The following ZZZ3 variants were observed in gnomAD, a reference collection of about 807,000 sequenced individuals.
The protein encoded by ZZZ3 is ZZ-type zinc finger-containing protein 3.
ZZZ3 carries 22 observed loss-of-function variants against 95.2 expected under a neutral mutation model. The observed-to-expected ratio is 0.23, with a 90% CI of 0.17 to 0.33. The LOEUF (loss-of-function observed/expected upper bound fraction) is 0.33. Ranked by LOEUF, ZZZ3 falls within the 10% of genes least tolerant of loss-of-function variation. The pLI is 1.00. For synonymous variants in ZZZ3, 335 were observed against 358.9 expected (o/e 0.93, Z 0.75); for missense variants, 885 against 1,066.5 (o/e 0.83, Z 2.37).
Position 77,568,471 on chromosome 1 carries a change from CAAAAAAAAAAAAA to C in ZZZ3, c.2332-18_2332-6del. ...GATAGGAATACTTTCGTCATCCTAT[CAAAAAAAAAAAAA>C]AAAAAAAATGTTGGTTTGGTAATTA... On this transcript the variant is annotated splice_region_variant and splice_polypyrimidine_tract_variant and intron_variant, in intron 12 of 14. Transcript: ENST00000370801. 8.5e-6 allele frequency: 5 copies of C among 591,414 alleles called. No homozygotes were observed. The South Asian group carries it at 2.3e-4, about 27-fold the overall frequency. 36.6% of individuals were successfully genotyped at this position (591,414 alleles called of 1,614,324 possible).
chr1:77,571,311 T>G (rs953413342), intron 12 of ZZZ3, among the ~76,000 whole-genome samples: 1 of 152,178 alleles, frequency 6.6e-6, no homozygotes, highest in African/African-American at 2.4e-5. Context: ...TAACCAGTGT[T>G]GGTAAGGATG....
intron 1 of ZZZ3, among the ~76,000 whole-genome samples, chr1:77,650,606 A>G (rs1444020764): frequency 6.6e-6 from 1 of 152,088 alleles, no homozygotes; most frequent in Non-Finnish European, 1.5e-5. Flanking sequence ...CCAAAGCAGT[A>G]AACATGTGTT....
chr1:77,669,461 T>G (rs898251610), intron 1 of ZZZ3, among the ~76,000 whole-genome samples: 11 of 143,104 alleles, frequency 7.7e-5, no homozygotes, highest in East Asian at 5.8e-4. Flanking sequence ...TCAGTTTTTT[T>G]TTTTTTTTTT....
chr1:77,588,089 G>A (rs1663287356), intron 5 of ZZZ3, among the ~76,000 whole-genome samples: 1 of 152,158 alleles, frequency 6.6e-6, no homozygotes, highest in Admixed American at 6.5e-5. Flanking sequence ...TCAAGTTTTA[G>A]GGGAGTCAAA....
intron 5 of ZZZ3, among the ~76,000 whole-genome samples, chr1:77,589,821 G>C (rs1472123474): frequency 6.6e-6 from 1 of 152,096 alleles, no homozygotes; most frequent in Non-Finnish European, 1.5e-5. Context: ...TAATCAGGGA[G>C]GGATGGAAGG....
At chr1:77,566,718 T>A (rs1376846929) in intron 13 of ZZZ3, among the ~76,000 whole-genome samples, 1 of 152,198 alleles carries the variant, frequency 6.6e-6, no homozygotes, top group Non-Finnish European at 1.5e-5. Flanking sequence ...CTTTTATCTC[T>A]TATTGAATCG....
intron 5 of ZZZ3, among the ~76,000 whole-genome samples, chr1:77,608,722 T>C (rs542191673): frequency 6.6e-6 from 1 of 151,968 alleles, no homozygotes; most frequent in Non-Finnish European, 1.5e-5. Flanking sequence ...TATGAAACAA[T>C]AAAAAGTTAA....
intron 1 of ZZZ3, among the ~76,000 whole-genome samples, chr1:77,647,597 A>C (rs1669406464): frequency 6.6e-6 from 1 of 152,142 alleles, no homozygotes. Flanking sequence ...AAATAATATA[A>C]TTATATGAGG....
At chr1:77,682,069 T>C (rs1352926718) in intron 1 of ZZZ3, among the ~76,000 whole-genome samples, 1 of 152,166 alleles carries the variant, frequency 6.6e-6, no homozygotes, top group Non-Finnish European at 1.5e-5. Flanking sequence ...AGCAGGATTT[T>C]ATTCTGACCA....
chr1:77,577,717 G>A (rs1662100726), intron 11 of ZZZ3, among the ~76,000 whole-genome samples: 1 of 152,126 alleles, frequency 6.6e-6, no homozygotes, highest in African/African-American at 2.4e-5. Flanking sequence ...AGCCAATTAG[G>A]TGTCTTTATT....
chr1:77,566,650 G>T (rs1660861154), intron 13 of ZZZ3, among the ~76,000 whole-genome samples: 1 of 152,194 alleles, frequency 6.6e-6, no homozygotes, highest in African/African-American at 2.4e-5. Flanking sequence ...ATACAGAATT[G>T]TTTTAGCAGG....
chr1:77,681,439 TAAG>T, intron 1 of ZZZ3, among the ~76,000 whole-genome samples: 1 of 152,266 alleles, frequency 6.6e-6, no homozygotes, highest in Middle Eastern at 3.4e-3. Flanking sequence ...AAATACTACT[TAAG>T]AATACGAAAA....
chr1:77,579,607 T>G lies in ZZZ3; in HGVS notation c.2002A>C (p.Ile668Leu), dbSNP rs1383359246. Reference sequence around the variant, plus strand: ...TCTACTTCTTCAGGAGGGTATTTGATGAGTAGCTGTTCCAGCTTTTTCTAA... The same window carrying G: ...TCTACTTCTTCAGGAGGGTATTTGAGGAGTAGCTGTTCCAGCTTTTTCTAA... ...EEQKKLEQLL[I>L]KYPPEEVESR... The change falls in exon 10 of 15, where the codon ATC (isoleucine) becomes CTC (leucine). Residue 668 changes from isoleucine to leucine, a missense_variant. By Grantham distance (5) the Ile-to-Leu change is conservative. Transcript: ENST00000370801. 2.5e-6 allele frequency: 4 copies of G among 1,581,910 alleles called. No homozygotes were observed. The highest frequency in any genetic ancestry group is 2.6e-6 in the Non-Finnish European group (3 of 1,168,040).
At chr1:77,660,901 A>C (rs1253895145) in intron 1 of ZZZ3, among the ~76,000 whole-genome samples, 1 of 152,224 alleles carries the variant, frequency 6.6e-6, no homozygotes, top group Non-Finnish European at 1.5e-5. Flanking sequence ...TCTAAAAAGA[A>C]TCACACATTT....
intron 5 of ZZZ3, among the ~76,000 whole-genome samples, chr1:77,605,122 G>C (rs1241155071): frequency 6.6e-6 from 1 of 152,192 alleles, no homozygotes; most frequent in Non-Finnish European, 1.5e-5. Flanking sequence ...TCATGTTGCT[G>C]AAAGAGGCAC....
intron 5 of ZZZ3, 107 bp from the exon 6 acceptor site, chr1:77,584,762 G>A: frequency 1.2e-6 from 1 of 841,684 alleles, no homozygotes; most frequent in Non-Finnish European, 1.7e-6. Flanking sequence ...TCTTTTAAGA[G>A]TTACCTGAAA....
intron 12 of ZZZ3, among the ~76,000 whole-genome samples, chr1:77,575,255 A>G (rs1399290861): frequency 6.6e-6 from 1 of 152,226 alleles, no homozygotes; most frequent in African/African-American, 2.4e-5. Flanking sequence ...ACCTCAGAGT[A>G]ACCAAATAGT....
At chr1:77,660,637 A>G (rs1380613776) in intron 1 of ZZZ3, among the ~76,000 whole-genome samples, 1 of 152,170 alleles carries the variant, frequency 6.6e-6, no homozygotes, top group Non-Finnish European at 1.5e-5. Context: ...TTGCTTTCAC[A>G]TTTTAACTAT....
chr1:77,579,573 C>A lies in ZZZ3; in HGVS notation c.2036G>T (p.Arg679Leu). The change falls in exon 10 of 15, where the codon CGC (arginine) becomes CTC (leucine). Residue 679 changes from arginine to leucine, a missense_variant. By Grantham distance (102) the Arg-to-Leu change is moderately radical. Around this residue, in one of 5 missense-constraint regions of ZZZ3, gnomAD observed 99 missense variants for 119.8 expected, o/e 0.83. Coordinates refer to ENST00000370801, the MANE Select transcript of ZZZ3 (RefSeq NM_015534.6). ...CAATTCATCTGCTATCTTCTGCCAG[C>A]GTCGAGATTCTACTTCTTCAGGAGG... ...KYPPEEVESR[R>L]WQKIADELGN... 6.3e-7 allele frequency: 1 copy of A among 1,587,344 alleles called. No individual in the cohort carries two copies. Among genetic ancestry groups the A allele is most frequent in the Non-Finnish European group, 8.6e-7 (1 of 1,168,958 alleles).
Sources: gnomAD v4.1 joint callset for allele counts (sites outside exome capture counted in the v4.1 genomes callset) on GRCh38, gnomAD v4.1.1 for gene constraint, gnomAD v4.1.1 regional missense constraint, MANE v1.5 for transcripts, NCBI Gene and HGNC (gene_info 2026-07-23, HGNC 2026-07-21) for gene names.